The following CTTNBP2 variants were observed in gnomAD, a reference collection of about 807,000 sequenced individuals.
The protein encoded by CTTNBP2 is cortactin binding protein 2.
In CTTNBP2, 108 loss-of-function variants were observed where a neutral mutation model predicts 156.9. The observed-to-expected ratio is 0.69, with a 90% CI of 0.59 to 0.81. The LOEUF is 0.81. CTTNBP2 is among the 30% of genes least tolerant of loss of function. The pLI, the probability that CTTNBP2 is intolerant of heterozygous loss-of-function variation, is 0.00. For synonymous variants in CTTNBP2, 767 were observed against 751.8 expected (o/e 1.02, Z -0.33); for missense variants, 1,924 against 2,035.4 (o/e 0.95, Z 1.05).
intron 9 of CTTNBP2, among the ~76,000 whole-genome samples, chr7:117,761,776 G>T (rs1358582159): frequency 1.3e-5 from 2 of 152,150 alleles, no homozygotes; most frequent in Non-Finnish European, 2.9e-5. Flanking sequence ...ACAAGAGTAT[G>T]TGAAATTTTA....
chr7:117,873,005 C>T (rs749256533), intron 1 of CTTNBP2, among the ~76,000 whole-genome samples: 1 of 152,168 alleles, frequency 6.6e-6, no homozygotes, highest in Non-Finnish European at 1.5e-5. Flanking sequence ...GCCTTCTCCC[C>T]CGGCCAGAAG....
chr7:117,764,876 A>C (rs1356898410), intron 9 of CTTNBP2, among the ~76,000 whole-genome samples: 1 of 152,212 alleles, frequency 6.6e-6, no homozygotes, highest in Non-Finnish European at 1.5e-5. Flanking sequence ...TGTTGAATAA[A>C]TGAAAATAAT....
rs561426767 is a variant in CTTNBP2 at position 117,821,231 on chromosome 7, G to T, written c.190-10242C>A. 3.9e-5 allele frequency among the ~76,000 whole-genome samples: 6 copies of T among 151,992 alleles called. No individual in the cohort carries two copies. In the East Asian group the frequency reaches 1.2e-3, roughly 29 times the overall value. ...TTTATTCCCATCTTGCAATGGCTAGGATTTCCAGCACTACCTTGAACAAAA... is the reference window on the plus strand; with the variant it reads ...TTTATTCCCATCTTGCAATGGCTAGTATTTCCAGCACTACCTTGAACAAAA... On this transcript the variant is annotated intron_variant, in intron 2 of 22. Transcript: ENST00000160373.
intron 3 of CTTNBP2, among the ~76,000 whole-genome samples, chr7:117,796,926 C>G (rs929667): frequency 0.1 from 15,198 of 151,892 alleles, 1,128 homozygotes; most frequent in African/African-American, 0.2. Flanking sequence ...TAATTATAAC[C>G]CCTTGAAAAA....
chr7:117,841,248 T>C (rs999064409), intron 2 of CTTNBP2, among the ~76,000 whole-genome samples: 3 of 152,176 alleles, frequency 2.0e-5, no homozygotes, highest in African/African-American at 4.8e-5. Flanking sequence ...CATCTGTCAT[T>C]GTAGCCTCTG....
chr7:117,870,384 GTTC>G lies in CTTNBP2; in HGVS notation c.81+2948_81+2950del, dbSNP rs563845173. On this transcript the variant is annotated intron_variant, in intron 1 of 22. Coordinates refer to ENST00000160373, the MANE Select transcript of CTTNBP2 (RefSeq NM_033427.3). Reference sequence around the variant, plus strand: ...ACGCTTAGCGCAATTGGCTACGAAAGTTCTTTTCAGTGCATTTACATTCAATAC... The same window carrying G: ...ACGCTTAGCGCAATTGGCTACGAAAGTTTTCAGTGCATTTACATTCAATAC... Among the ~76,000 whole-genome samples the G allele has an allele frequency of 1.5e-3, 231 of 152,316 alleles. 1 individual carries two copies. Among genetic ancestry groups the G allele is most frequent in the African/African-American group, 5.1e-3 (210 of 41,556 alleles).
chr7:117,758,412 GA>G (rs771309620), intron 10 of CTTNBP2, among the ~76,000 whole-genome samples: 1,564 of 139,946 alleles, frequency 0.011, 15 homozygotes, highest in African/African-American at 0.03. Flanking sequence ...TAGATTCCAG[GA>G]AAAAAAAAAA....
At chr7:117,867,412 T>C (rs1336202014) in intron 1 of CTTNBP2, among the ~76,000 whole-genome samples, 1 of 152,200 alleles carries the variant, frequency 6.6e-6, no homozygotes, top group Non-Finnish European at 1.5e-5. Context: ...GTTAATCATG[T>C]CCGGCCTTGT....
chr7:117,715,511 T>G (rs1584874919), intron 22 of CTTNBP2, among the ~76,000 whole-genome samples: 2 of 147,400 alleles, frequency 1.4e-5, no homozygotes, highest in Admixed American at 6.7e-5. Flanking sequence ...CAAGTGGATT[T>G]CATCATGCAA....
chr7:117,754,599 G>T (rs1303129090), intron 12 of CTTNBP2, among the ~76,000 whole-genome samples: 1 of 152,190 alleles, frequency 6.6e-6, no homozygotes, highest in African/African-American at 2.4e-5. Context: ...TTATGGAAGA[G>T]AAAACATTCA....
intron 17 of CTTNBP2, among the ~76,000 whole-genome samples, chr7:117,727,349 C>G (rs1381311151): frequency 1.3e-5 from 2 of 152,106 alleles, no homozygotes; most frequent in African/African-American, 2.4e-5. Flanking sequence ...GTACATGCCA[C>G]TATGCCTGGC....
At chr7:117,854,459 T>C (rs1288916927) in intron 2 of CTTNBP2, among the ~76,000 whole-genome samples, 1 of 152,208 alleles carries the variant, frequency 6.6e-6, no homozygotes, top group East Asian at 1.9e-4. Context: ...CTTTTAAAAC[T>C]AGAGTGGAAC....
At chr7:117,861,549 C>T (rs1803755354) in intron 1 of CTTNBP2, among the ~76,000 whole-genome samples, 1 of 152,104 alleles carries the variant, frequency 6.6e-6, no homozygotes, top group African/African-American at 2.4e-5. Flanking sequence ...CCCAGCCTGC[C>T]TGCACACCCA....
Position 117,718,056 on chromosome 7 carries a change from C to G in CTTNBP2, c.4708G>C (p.Ala1570Pro). ...GGCATTCTCAGATTATTAATAGTTG[C>G]TGAAAGTACAGGGTTGTTTCCAGAA... is the stretch of plus-strand genomic sequence containing the variant. ...DSSGNNPVLS[A>P]TINNLRMPVS... Residue 1570 changes from alanine to proline, a missense_variant, in exon 22 of 23, where the codon GCA (alanine) becomes CCA (proline). Transcript: ENST00000160373. 6.2e-7 allele frequency: 1 copy of G among 1,612,932 alleles called. No homozygotes were observed. The highest frequency in any genetic ancestry group is 8.5e-7 in the Non-Finnish European group (1 of 1,179,074).
At chr7:117,865,032 G>C (rs1804073549) in intron 1 of CTTNBP2, among the ~76,000 whole-genome samples, 1 of 148,688 alleles carries the variant, frequency 6.7e-6, no homozygotes, top group African/African-American at 2.5e-5. Context: ...TGGTACAAAA[G>C]TACTTAGATA....
At chr7:117,784,045 T>C (rs1798567617) in intron 5 of CTTNBP2, among the ~76,000 whole-genome samples, 1 of 152,228 alleles carries the variant, frequency 6.6e-6, no homozygotes, top group African/African-American at 2.4e-5. Flanking sequence ...CTAGCTCTGG[T>C]AAAACTTTAC....
chr7:117,782,949 A>C lies in CTTNBP2; in HGVS notation c.2285T>G (p.Leu762Trp). 6.2e-7 allele frequency: 1 copy of C among 1,613,460 alleles called. No homozygotes were observed. Among genetic ancestry groups the C allele is most frequent in the Non-Finnish European group, 8.5e-7 (1 of 1,179,414 alleles). ...GACTTGGGCTTCTGCACTCAGCAGC[A>C]ATCTCACACAGTCTATGGATTTTAA... The part of the protein sequence containing the change: ...AKNGHTDCVR[L>W]LLSAEAQVNA... The change falls in exon 6 of 23, where the codon TTG (leucine) becomes TGG (tryptophan). Residue 762 changes from leucine to tryptophan, a missense_variant. Coordinates refer to ENST00000160373, the MANE Select transcript of CTTNBP2 (RefSeq NM_033427.3).
At position 117,750,121 on chromosome 7, in the gene CTTNBP2, C is replaced by T. The variant is rs548219340; in HGVS notation, c.3349-4022G>A. On this transcript the variant is annotated intron_variant, in intron 12 of 22. Transcript: ENST00000160373. ...GGCTAAAGATTTTCAAGATTTACCC[C>T]AGAGATTTTCAACTAGCGTGGCTAT... 6.6e-5 allele frequency among the ~76,000 whole-genome samples: 10 copies of T among 152,216 alleles called. No individual in the cohort carries two copies. In the South Asian group the frequency reaches 2.1e-3, roughly 32 times the overall value.
chr7:117,821,748 C>T (rs1376424740), intron 2 of CTTNBP2, among the ~76,000 whole-genome samples: 1 of 151,882 alleles, frequency 6.6e-6, no homozygotes, highest in Admixed American at 6.6e-5. Flanking sequence ...GCCACCAGGC[C>T]CAGCTAATTT....
Sources: gnomAD v4.1 joint callset for allele counts (sites outside exome capture counted in the v4.1 genomes callset) on GRCh38, gnomAD v4.1.1 for gene constraint, MANE v1.5 for transcripts, NCBI Gene and HGNC (gene_info 2026-07-23, HGNC 2026-07-21) for gene names.